EYS: variants seen among roughly 807,000 people sequenced by gnomAD.
EYS encodes the protein EGF-like photoreceptor maintenance factor, also known as protein eyes shut homolog.
EYS carries 250 observed loss-of-function variants against 282.1 expected under a neutral mutation model. That is an observed-to-expected ratio of 0.89 (90% CI 0.80 to 0.98). The LOEUF is 0.98. Ranked by LOEUF, EYS falls within the 50% of genes least tolerant of loss-of-function variation. The pLI, the probability that EYS is intolerant of heterozygous loss-of-function variation, is 0.00. For synonymous variants in EYS, 1,355 were observed against 1,282.9 expected (o/e 1.06, Z -1.20); for missense variants, 4,016 against 3,709.0 (o/e 1.08, Z -2.15).
intron 30 of EYS, among the ~76,000 whole-genome samples, chr6:64,283,443 G>A (rs1367787827): frequency 6.6e-6 from 1 of 152,172 alleles, no homozygotes; most frequent in Non-Finnish European, 1.5e-5. Flanking sequence ...AGTTCACACT[G>A]TATTCTCAAA....
chr6:65,262,123 G>T (rs1392404114), intron 12 of EYS, among the ~76,000 whole-genome samples: 1 of 151,926 alleles, frequency 6.6e-6, no homozygotes, highest in Non-Finnish European at 1.5e-5. Flanking sequence ...TAGCTCCCAG[G>T]TGCTTTTTCC....
intron 2 of EYS, among the ~76,000 whole-genome samples, chr6:65,557,272 G>C (rs1307981902): frequency 6.6e-6 from 1 of 152,170 alleles, no homozygotes; most frequent in Non-Finnish European, 1.5e-5. Flanking sequence ...TCCCACACCT[G>C]CCAAGGCTGA....
intron 13 of EYS, among the ~76,000 whole-genome samples, chr6:65,039,502 A>G (rs567794954): frequency 1.3e-5 from 2 of 151,630 alleles, no homozygotes; most frequent in African/African-American, 4.8e-5. Context: ...ACACATGTCA[A>G]TTTTTAAAAA....
intron 2 of EYS, among the ~76,000 whole-genome samples, chr6:65,526,469 T>A (rs1767567670): frequency 6.6e-6 from 1 of 152,172 alleles, no homozygotes; most frequent in East Asian, 1.9e-4. Context: ...CTCTTTAGAT[T>A]TGTAGCTAGC....
At chr6:64,188,521 G>C (rs928179932) in intron 31 of EYS, among the ~76,000 whole-genome samples, 1 of 152,082 alleles carries the variant, frequency 6.6e-6, no homozygotes, top group Non-Finnish European at 1.5e-5. Context: ...GTGATTTGCT[G>C]TTCATGTGAG....
At chr6:64,338,844 A>C (rs1425993755) in intron 29 of EYS, among the ~76,000 whole-genome samples, 1 of 151,926 alleles carries the variant, frequency 6.6e-6, no homozygotes, top group Non-Finnish European at 1.5e-5. Context: ...CTTACAGCCA[A>C]CTGATCTTCA....
chr6:65,687,390 C>G (rs558689368), intron 1 of EYS, among the ~76,000 whole-genome samples: 1 of 152,030 alleles, frequency 6.6e-6, no homozygotes, highest in African/African-American at 2.4e-5. Context: ...TAGAAAAAAT[C>G]TGAATAATTT....
Position 64,945,812 on chromosome 6 carries a change from C to T in EYS, c.2362G>A (p.Asp788Asn), listed in dbSNP as rs1248939623. The change falls in exon 15 of 43, where the codon GAC (aspartate) becomes AAC (asparagine). Residue 788 changes from aspartate to asparagine, a missense_variant. Transcript: ENST00000503581. ...NPCKNNSTCTDLYKSYRCECT... is the reference protein window; with the variant it reads ...NPCKNNSTCTNLYKSYRCECT... ...ACTCACCGATAGCTTTTGTAAAGGT[C>T]AGTACAGGTGGAATTGTTCTTGCAA... 1 of 1,549,664 alleles carries T rather than the reference C, an allele frequency of 6.5e-7. No homozygotes were observed. Among genetic ancestry groups the T allele is most frequent in the South Asian group, 1.2e-5 (1 of 83,952 alleles).
intron 2 of EYS, among the ~76,000 whole-genome samples, chr6:65,603,408 G>A (rs1582507057): frequency 2.6e-5 from 4 of 151,968 alleles, no homozygotes; most frequent in Admixed American, 2.6e-4. Flanking sequence ...TCTGTAAGGT[G>A]TATGAGGTCC....
chr6:64,727,546 C>G (rs2149949049), intron 22 of EYS, among the ~76,000 whole-genome samples: 1 of 151,998 alleles, frequency 6.6e-6, no homozygotes, highest in African/African-American at 2.4e-5. Context: ...AAATGTGTTA[C>G]AAGTAGTAAA....
chr6:65,188,685 C>A (rs7750040), intron 12 of EYS, among the ~76,000 whole-genome samples: 1 of 144,056 alleles, frequency 6.9e-6, no homozygotes, highest in Non-Finnish European at 1.5e-5. Context: ...TGTAATCACA[C>A]GGGTCTTTAA....
chr6:64,249,401 G>T (rs1262983242), intron 30 of EYS, among the ~76,000 whole-genome samples: 1 of 152,134 alleles, frequency 6.6e-6, no homozygotes, highest in Admixed American at 6.6e-5. Context: ...TTGGAGGGGG[G>T]TGGATGATGA....
chr6:64,264,917 A>G (rs1251596946), intron 30 of EYS, among the ~76,000 whole-genome samples: 3 of 152,104 alleles, frequency 2.0e-5, no homozygotes, highest in Admixed American at 6.6e-5. Context: ...ACAAAAAAGA[A>G]AAGAGCTGCT....
At chr6:64,839,873 A>C (rs2023579) in intron 19 of EYS, among the ~76,000 whole-genome samples, 107,559 of 151,540 alleles carry the variant, frequency 0.71, 38,539 homozygotes, top group Admixed American at 0.76. Context: ...TTCATGAGGG[A>C]AGAGCCCTCA....
chr6:64,500,021 A>T (rs1776990612), intron 26 of EYS, among the ~76,000 whole-genome samples: 1 of 152,122 alleles, frequency 6.6e-6, no homozygotes. Flanking sequence ...CTTAAAAATC[A>T]AGTAAAGGAA....
chr6:65,451,580 T>C (rs1330212911), intron 5 of EYS, among the ~76,000 whole-genome samples: 1 of 152,070 alleles, frequency 6.6e-6, no homozygotes, highest in Non-Finnish European at 1.5e-5. Context: ...ACTTTAGAGA[T>C]ACACAGTATT....
At chr6:65,095,471 ATG>A (rs1774712893) in intron 12 of EYS, among the ~76,000 whole-genome samples, 1 of 151,134 alleles carries the variant, frequency 6.6e-6, no homozygotes, top group Non-Finnish European at 1.5e-5. Flanking sequence ...ACATGAGGTA[ATG>A]TGTATCTTCA....
intron 26 of EYS, among the ~76,000 whole-genome samples, chr6:64,484,466 G>A (rs996721534): frequency 1.3e-4 from 20 of 151,524 alleles, no homozygotes; most frequent in East Asian, 7.8e-4. Context: ...CCACTCCAAC[G>A]CTTTAACTGG....
intron 29 of EYS, among the ~76,000 whole-genome samples, chr6:64,381,353 C>T (rs1055365071): frequency 6.6e-6 from 1 of 152,124 alleles, no homozygotes; most frequent in African/African-American, 2.4e-5. Flanking sequence ...TCTTTATCAT[C>T]TACCAAACAT....
Sources: allele counts gnomAD v4.1 joint callset (sites outside exome capture counted in the v4.1 genomes callset), GRCh38; gene constraint gnomAD v4.1.1; transcripts MANE v1.5; gene names NCBI Gene and HGNC (gene_info 2026-07-23, HGNC 2026-07-21).